The following TTN variants were observed in gnomAD, a reference collection of about 807,000 sequenced individuals.
The protein encoded by TTN is titin.
Under a neutral mutation model 3,223.0 loss-of-function variants are expected in TTN, and 1,525 were observed. The ratio of observed to expected loss-of-function variants is 0.47; its 90% CI spans 0.45 to 0.49. The LOEUF (loss-of-function observed/expected upper bound fraction) is 0.49. Among genes scored for constraint, TTN ranks in the 20% least tolerant of loss-of-function variants. TTN has a pLI of 0.00. For missense variants in TTN, 40,786 were observed against 43,424.0 expected (o/e 0.94, Z 5.40); for synonymous variants, 14,094 against 15,161.0 (o/e 0.93, Z 5.17).
chr2:178,731,373 C>G lies in TTN; in HGVS notation c.17393G>C (p.Gly5798Ala), dbSNP rs754818408. Residue 5798 changes from glycine (G) to alanine (A), a missense_variant, in exon 59 of 363, where the codon GGG becomes GCG. Gly to Ala is a moderately conservative substitution (Grantham distance 60). Transcript: ENST00000589042. ...ATTTTTGGCCTGACAGACATATTTC[C>G]CATCATGCTTGACTTCAATGCCACT... ...YLSGIEVKHD[G>A]KYVCQAKNDA... The G allele has an allele frequency of 1.2e-6, 2 of 1,613,674 alleles. No homozygotes were observed. Among genetic ancestry groups the G allele is most frequent in the East Asian group, 4.5e-5 (2 of 44,880 alleles).
At position 178,554,617 on chromosome 2, in the gene TTN, C is replaced by T; in HGVS notation, c.88730G>A (p.Ser29577Asn). Residue 29577 changes from serine (S) to asparagine (N), a missense_variant, in exon 332 of 363, where the codon AGC (serine) becomes AAC (asparagine). Transcript: ENST00000589042. The stretch of plus-strand genomic sequence containing the variant: ...AGACACCATAGACCACACAACGCGG[C>T]TTGTCTCACGCTTTTCCACAATGTA... The part of the protein sequence containing the change: ...THYIVEKRET[S>N]RVVWSMVSEH... 6.2e-7 allele frequency: 1 copy of T among 1,613,910 alleles called. No homozygotes were observed.
rs1060500477 is a variant in TTN at position 178,541,485 on chromosome 2, A to G, written c.97592T>C (p.Val32531Ala). 6.2e-7 allele frequency: 1 copy of G among 1,613,418 alleles called. No homozygotes were observed. The highest frequency in any genetic ancestry group is 8.5e-7 in the Non-Finnish European group (1 of 1,179,576). ...YPPEDDGGSQVTGYIVERKEV... is the reference protein window; with the variant it reads ...YPPEDDGGSQATGYIVERKEV... ...TTTGCGCTCCACAATATATCCAGTC[A>G]CTTGGGAGCCACCGTCATCCTCTGG... is the stretch of plus-strand genomic sequence containing the variant. Residue 32531 changes from valine to alanine, a missense_variant, in exon 350 of 363, where the codon GTG (valine) becomes GCG (alanine). Transcript: ENST00000589042.
At chr2:178,586,999 A>G in intron 307 of TTN, 119 bp downstream of exon 307, 1 of 1,402,672 alleles carries the variant, frequency 7.1e-7, no homozygotes, top group Non-Finnish European at 9.8e-7. Flanking sequence ...TATTTATTAC[A>G]CTATTTCGGT....
At position 178,620,315 on chromosome 2, in the gene TTN, G is replaced by A. The variant is rs1030153992; in HGVS notation, c.46206C>T (p.Val15402=). The A allele has an allele frequency of 2.5e-6, 4 of 1,583,640 alleles. No individual in the cohort carries two copies. Among genetic ancestry groups the A allele is most frequent in the Non-Finnish European group, 3.4e-6 (4 of 1,163,720 alleles). Residue 15402 remains valine, a synonymous_variant, in exon 248 of 363, where the codon GTC becomes GTT. Transcript: ENST00000589042. ...EFVEHLEDQT[V]TEFDDAVFSC... is the part of the protein sequence containing the mutation. Reference sequence around the variant, plus strand: ...AGAAGACAGCGTCATCGAACTCAGTGACTGTCTGATCTTCCAAGTGTTCCA... The same window carrying A: ...AGAAGACAGCGTCATCGAACTCAGTAACTGTCTGATCTTCCAAGTGTTCCA...
chr2:178,715,308 T>C (rs372090010), intron 89 of TTN, 44 bp from the exon 90 acceptor site: 3 of 1,543,446 alleles, frequency 1.9e-6, no homozygotes, highest in Admixed American at 4.1e-5. Context: ...TCTGTAAGTA[T>C]ATAGTTAAAA....
At chr2:178,749,626 T>G in intron 47 of TTN, 2 of 1,612,220 alleles carry the variant, frequency 1.2e-6, no homozygotes, top group African/African-American at 1.3e-5. Flanking sequence ...TATTTTCGAA[T>G]TGACTATTTT....
At chr2:178,717,835 T>C in intron 86 of TTN, 25 bp from the exon 87 acceptor site, 2 of 1,585,164 alleles carry the variant, frequency 1.3e-6, no homozygotes, top group Non-Finnish European at 1.7e-6. Context: ...CAGATAATCC[T>C]TATTTACAGG....
chr2:178,747,172 G>A (rs143135505), intron 47 of TTN: 3 of 1,608,796 alleles, frequency 1.9e-6, no homozygotes, highest in East Asian at 2.2e-5. Flanking sequence ...TCTCTCCTGG[G>A]GGTGTGGAGT....
rs768519509 is a variant in TTN at position 178,528,759 on chromosome 2, G to A, written c.106992C>T (p.Ile35664=). 6.2e-7 allele frequency: 1 copy of A among 1,612,964 alleles called. No homozygotes were observed. Among genetic ancestry groups the A allele is most frequent in the African/African-American group, 1.3e-5 (1 of 75,036 alleles). ...GVSGSDQTLT[I]KQASHRDEGI... ...CTTCATCTCTGTGACTGGCTTGCTT[G>A]ATGGTTAGGGTCTGATCGCTGCCTG... The change falls in exon 360 of 363, where the codon ATC becomes ATT. Residue 35664 remains isoleucine (I), a synonymous_variant. Transcript: ENST00000589042.
At position 178,556,567 on chromosome 2, in the gene TTN, C is replaced by T. The variant is rs35504893; in HGVS notation, c.88306+281G>A. 97,665 of 408,882 alleles carry T rather than the reference C, an allele frequency of 0.24. 14,327 individuals carry two copies. Among genetic ancestry groups the T allele is most frequent in the East Asian group, 0.67 (12,940 of 19,190 alleles). The allele number at this position is 408,882 out of a possible 1,614,324, so 25.3% of individuals were successfully genotyped here. On this transcript the variant is annotated intron_variant, in intron 330 of 362. Transcript: ENST00000589042. ...AATTATTGACTCTGATAATTTAAAA[C>T]AGAATGAAAGCACCAACTCATACAA...
intron 240 of TTN, 49 bp from the exon 241 acceptor site, chr2:178,625,445 G>C: frequency 6.8e-7 from 1 of 1,474,992 alleles, no homozygotes; most frequent in Non-Finnish European, 8.9e-7. Context: ...CTAGTATATG[G>C]GTGCATTTAA....
At chr2:178,605,951 G>A (rs1285001641) in intron 278 of TTN, among the ~76,000 whole-genome samples, 5 of 151,900 alleles carry the variant, frequency 3.3e-5, no homozygotes, top group African/African-American at 4.8e-5. Flanking sequence ...TCAAGGGCAC[G>A]TATGCTTTTT....
chr2:178,622,247 A>G (rs541172645), intron 243 of TTN, among the ~76,000 whole-genome samples: 13 of 152,090 alleles, frequency 8.5e-5, no homozygotes, highest in Non-Finnish European at 1.9e-4. Context: ...ATGGGATCAT[A>G]TAAGTTTAGA....
chr2:178,699,654 G>A (rs952652511), intron 111 of TTN, among the ~76,000 whole-genome samples: 2 of 142,356 alleles, frequency 1.4e-5, no homozygotes, highest in South Asian at 2.3e-4. Flanking sequence ...CTTGTGATCC[G>A]CCCGCCTCGG....
intron 43 of TTN, among the ~76,000 whole-genome samples, chr2:178,763,641 C>T (rs1482678559): frequency 6.6e-6 from 1 of 152,062 alleles, no homozygotes; most frequent in Admixed American, 6.6e-5. Context: ...AGAAGGAGAA[C>T]GAGAGACATG....
chr2:178,688,020 T>C, intron 127 of TTN, 91 bp downstream of exon 127: 4 of 1,022,424 alleles, frequency 3.9e-6, no homozygotes, highest in Non-Finnish European at 5.8e-6. Flanking sequence ...GTCACTTTTT[T>C]CTGTCTCTTT....
Position 178,553,692 on chromosome 2 carries a change from G to T in TTN, c.89313C>A (p.Val29771=). Residue 29771 remains valine (V), a synonymous_variant, in exon 334 of 363, where the codon GTC becomes GTA. Transcript: ENST00000589042. ...DGGSAVTGYV[V]EIRQGEEEEW... is the part of the protein sequence containing the mutation. ...CCTCTTCCTCTCCTTGTCTTATCTC[G>T]ACAACATACCCAGTAACAGCACTGC... 6.2e-7 allele frequency: 1 copy of T among 1,613,694 alleles called. No homozygotes were observed. The highest frequency in any genetic ancestry group is 1.7e-5 in the Admixed American group (1 of 59,992).
Position 178,741,298 on chromosome 2 carries a change from A to G in TTN, c.11935T>C (p.Cys3979Arg). 7 of 1,613,902 alleles carry G rather than the reference A, an allele frequency of 4.3e-6. No homozygotes were observed. Among genetic ancestry groups the G allele is most frequent in the Non-Finnish European group, 5.9e-6 (7 of 1,179,824 alleles). The change falls in exon 48 of 363, where the codon TGC becomes CGC. Residue 3979 changes from cysteine to arginine, a missense_variant. Physicochemically the swap from Cys to Arg is radical, Grantham distance 180. Coordinates refer to ENST00000589042, the MANE Select transcript of TTN (RefSeq NM_001267550.2). ...ATGATAGTGTAATAAACACTGGTGCAAAGCTGCTTGTTTTCTTTGAACCAT... is the reference window on the plus strand; with the variant it reads ...ATGATAGTGTAATAAACACTGGTGCGAAGCTGCTTGTTTTCTTTGAACCAT... ...VTWFKENKQL[C>R]TSVYYTIIHN...
In TTN at chr2:178,572,441, T is replaced by A. The variant is rs758888839; in HGVS notation, c.73691A>T (p.Lys24564Ile). ...GTTTGTTGCAACAGTTGAATATGCT[T>A]TTCTTGTTGATTCCCGCTTTTCAAC... ...YIVEKRESTRKAYSTVATNCH... is the reference protein window; with the variant it reads ...YIVEKRESTRIAYSTVATNCH... The change falls in exon 326 of 363, where the codon AAA (lysine) becomes ATA (isoleucine). Residue 24564 changes from lysine (K) to isoleucine (I), a missense_variant. Physicochemically the swap from Lys to Ile is moderately radical, Grantham distance 102. Coordinates refer to ENST00000589042, the MANE Select transcript of TTN (RefSeq NM_001267550.2). 9.9e-6 allele frequency: 16 copies of A among 1,612,520 alleles called. No homozygotes were observed. Among genetic ancestry groups the A allele is most frequent in the Non-Finnish European group, 1.4e-5 (16 of 1,178,924 alleles).
Sources: allele counts gnomAD v4.1 joint callset (sites outside exome capture counted in the v4.1 genomes callset), GRCh38; gene constraint gnomAD v4.1.1; transcripts MANE v1.5; gene names NCBI Gene and HGNC (gene_info 2026-07-23, HGNC 2026-07-21).